Variants in SORCS2 observed in about 807,000 individuals in gnomAD.
SORCS2 encodes the protein VPS10 domain-containing receptor SorCS2.
SORCS2 carries 100 observed loss-of-function variants against 141.6 expected under a neutral mutation model. The observed-to-expected ratio is 0.71, with a 90% confidence interval of 0.60 to 0.83. The LOEUF (loss-of-function observed/expected upper bound fraction) is 0.83, where lower values mean the gene tolerates loss of function less well. Among genes scored for constraint, SORCS2 ranks in the 40% least tolerant of loss-of-function variants. SORCS2 has a pLI of 0.00. For synonymous variants in SORCS2, 789 were observed against 676.9 expected (o/e 1.17, Z -2.57); for missense variants, 1,646 against 1,560.2 (o/e 1.05, Z -0.93).
intron 1 of SORCS2, among the ~76,000 whole-genome samples, chr4:7,253,450 G>T (rs1713640382): frequency 6.6e-6 from 1 of 152,230 alleles, no homozygotes; most frequent in South Asian, 2.1e-4. Flanking sequence ...CTCATTCCAG[G>T]CCCAGCGAAG....
chr4:7,489,647 C>T (rs1731197283), intron 2 of SORCS2, among the ~76,000 whole-genome samples: 1 of 152,182 alleles, frequency 6.6e-6, no homozygotes, highest in South Asian at 2.1e-4. Flanking sequence ...TTTGAAAATC[C>T]TGTCTGTGCA....
intron 3 of SORCS2, among the ~76,000 whole-genome samples, chr4:7,574,845 G>T (rs1330287771): frequency 2.0e-5 from 3 of 152,178 alleles, no homozygotes; most frequent in African/African-American, 7.2e-5. Flanking sequence ...TTGAGTGAAG[G>T]AGCCACTGAG....
At chr4:7,231,232 G>T (rs1024560524) in intron 1 of SORCS2, among the ~76,000 whole-genome samples, 5 of 152,224 alleles carry the variant, frequency 3.3e-5, no homozygotes, top group African/African-American at 1.2e-4. Context: ...GTCAGCAAGA[G>T]AATTCTCTTT....
At chr4:7,391,005 G>C (rs1723824706) in intron 1 of SORCS2, among the ~76,000 whole-genome samples, 1 of 152,170 alleles carries the variant, frequency 6.6e-6, no homozygotes, top group Non-Finnish European at 1.5e-5. Flanking sequence ...TCTATGTTCT[G>C]ATTTCTGGTC....
At chr4:7,643,892 A>C (rs914687253) in intron 4 of SORCS2, among the ~76,000 whole-genome samples, 5 of 152,154 alleles carry the variant, frequency 3.3e-5, no homozygotes, top group Non-Finnish European at 7.3e-5. Context: ...GCTCGCTCTG[A>C]CCTCAGACTT....
chr4:7,574,359 C>T (rs929628268), intron 3 of SORCS2, among the ~76,000 whole-genome samples: 2 of 152,244 alleles, frequency 1.3e-5, no homozygotes, highest in African/African-American at 2.4e-5. Context: ...TGCCTGTTTA[C>T]AGCCAAGTGC....
At chr4:7,341,174 G>A (rs192228551) in intron 1 of SORCS2, among the ~76,000 whole-genome samples, 20 of 152,368 alleles carry the variant, frequency 1.3e-4, no homozygotes, top group South Asian at 6.2e-4. Flanking sequence ...AAATGTTGGC[G>A]GATGGAAGCA....
intron 2 of SORCS2, among the ~76,000 whole-genome samples, chr4:7,453,679 G>T (rs1455842712): frequency 1.5e-5 from 2 of 132,538 alleles, no homozygotes; most frequent in Non-Finnish European, 3.2e-5. Context: ...TTGGGTTCAG[G>T]TGCTGTGTTG....
chr4:7,659,533 AG>A (rs1722019705), intron 5 of SORCS2, among the ~76,000 whole-genome samples: 1 of 152,166 alleles, frequency 6.6e-6, no homozygotes, highest in Admixed American at 6.5e-5. Flanking sequence ...CTCAAAGGCG[AG>A]GCTTTCAGAC....
At chr4:7,283,688 C>T (rs1373056135) in intron 1 of SORCS2, among the ~76,000 whole-genome samples, 1 of 152,130 alleles carries the variant, frequency 6.6e-6, no homozygotes, top group Non-Finnish European at 1.5e-5. Flanking sequence ...CTCAGAAAAG[C>T]ACTGTGCGGT....
intron 2 of SORCS2, among the ~76,000 whole-genome samples, chr4:7,458,890 C>A (rs778836852): frequency 6.6e-6 from 1 of 152,078 alleles, no homozygotes; most frequent in Non-Finnish European, 1.5e-5. Context: ...CCTTTGGGAC[C>A]AGGAGAAAAG....
At chr4:7,262,696 G>A (rs2108826510) in intron 1 of SORCS2, among the ~76,000 whole-genome samples, 1 of 152,312 alleles carries the variant, frequency 6.6e-6, no homozygotes, top group South Asian at 2.1e-4. Flanking sequence ...GGAGTGTGCA[G>A]CCATCCTGCT....
chr4:7,663,991 A>C lies in SORCS2; in HGVS notation c.953-362A>C, dbSNP rs1389416986. On this transcript the variant is annotated intron_variant, in intron 6 of 26. Transcript: ENST00000507866. The surrounding 1 kb of genome is among the most constrained non-coding windows in gnomAD (Gnocchi z 4.8). ...TGGGGGAAAAGAACCCTTGAGCCCCACCCGCCCCCATCCCTGCTTAGGTGT... is the reference window on the plus strand; with the variant it reads ...TGGGGGAAAAGAACCCTTGAGCCCCCCCCGCCCCCATCCCTGCTTAGGTGT... Among the ~76,000 whole-genome samples, 1 of 152,092 alleles carries C rather than the reference A, an allele frequency of 6.6e-6. No individual in the cohort carries two copies. Among genetic ancestry groups the C allele is most frequent in the Non-Finnish European group, 1.5e-5 (1 of 68,010 alleles).
chr4:7,212,993 C>T (rs1162526292), intron 1 of SORCS2, among the ~76,000 whole-genome samples: 3 of 152,240 alleles, frequency 2.0e-5, no homozygotes, highest in Non-Finnish European at 4.4e-5. Context: ...CCTTGTGCTG[C>T]CCGGGTCTTC....
intron 2 of SORCS2, among the ~76,000 whole-genome samples, chr4:7,498,869 G>T (rs1278018013): frequency 6.6e-6 from 1 of 152,206 alleles, no homozygotes; most frequent in Non-Finnish European, 1.5e-5. Context: ...TGCCCAGGGA[G>T]CCCAGAGCCC....
At chr4:7,397,037 C>T (rs1270338014) in intron 2 of SORCS2, among the ~76,000 whole-genome samples, 1 of 152,212 alleles carries the variant, frequency 6.6e-6, no homozygotes, top group Non-Finnish European at 1.5e-5. Flanking sequence ...GATTCTCTTT[C>T]TTCCATGTAC....
intron 3 of SORCS2, among the ~76,000 whole-genome samples, chr4:7,539,673 G>A (rs1456549338): frequency 6.6e-6 from 1 of 152,090 alleles, no homozygotes; most frequent in African/African-American, 2.4e-5. Context: ...CCAGCTGCAA[G>A]GCCCCGACCC....
At chr4:7,445,756 C>T (rs199842354) in intron 2 of SORCS2, among the ~76,000 whole-genome samples, 1 of 152,170 alleles carries the variant, frequency 6.6e-6, no homozygotes, top group Non-Finnish European at 1.5e-5. Context: ...TTGAGGCAGA[C>T]CCAACCCTCC....
At chr4:7,290,796 T>TTTCATTCATTCATTCATTCATTCATTCA (rs3031021) in intron 1 of SORCS2, among the ~76,000 whole-genome samples, 3 of 151,246 alleles carry the variant, frequency 2.0e-5, no homozygotes, top group Non-Finnish European at 4.4e-5. Flanking sequence ...GGCTGCATTC[T>TTTCATTCATTCATTCATTCATTCATTCA]TTCATTCATT....
Sources: gnomAD v4.1 joint callset for allele counts (sites outside exome capture counted in the v4.1 genomes callset) on GRCh38, gnomAD v4.1.1 for gene constraint, Gnocchi (gnomAD v3.1) non-coding constraint, MANE v1.5 for transcripts, NCBI Gene and HGNC (gene_info 2026-07-23, HGNC 2026-07-21) for gene names.